COL21A1: variants seen among roughly 807,000 people sequenced by gnomAD.
The protein encoded by COL21A1 is collagen alpha-1(XXI) chain.
Under a neutral mutation model 137.9 loss-of-function variants are expected in COL21A1, and 149 were observed. That is an observed-to-expected ratio of 1.08 (90% CI 0.95 to 1.24). The LOEUF (loss-of-function observed/expected upper bound fraction) is 1.24, where lower values mean the gene tolerates loss of function less well. COL21A1 is among the 50% of genes most tolerant of loss of function. The pLI, the probability that COL21A1 is intolerant of heterozygous loss-of-function variation, is 0.00. For missense variants in COL21A1, 1,167 were observed against 1,158.4 expected, an observed-to-expected ratio of 1.01 and a Z score of -0.11; for synonymous variants, 456 against 391.5, an observed-to-expected ratio of 1.16 and a Z score of -1.95.
chr6:56,324,638 C>A (rs567265899), intron 1 of COL21A1, among the ~76,000 whole-genome samples: 1 of 152,116 alleles, frequency 6.6e-6, no homozygotes, highest in East Asian at 1.9e-4. Flanking sequence ...CTAGACAGAA[C>A]CAGATGTTCT....
At chr6:56,370,289 C>G (rs908394303) in intron 1 of COL21A1, among the ~76,000 whole-genome samples, 1 of 152,140 alleles carries the variant, frequency 6.6e-6, no homozygotes. Flanking sequence ...CTGTTCCCGG[C>G]CTTCCTCAGA....
In COL21A1 at chr6:56,164,484, A is replaced by C; in HGVS notation, c.1310T>G (p.Val437Gly). ...AATACAGGGAGCTGGAGTTGAACCT[A>C]CATCACTGGGACCATTAAGGCACTA... is the stretch of plus-strand genomic sequence containing the variant. Reference protein sequence around the residue: ...NGECLNGPSDVGSTPAPCICP... With the variant: ...NGECLNGPSDGGSTPAPCICP... Residue 437 changes from valine to glycine, a missense_variant, in exon 9 of 30, where the codon GTA becomes GGA. Val to Gly is a moderately radical substitution (Grantham distance 109). Transcript: ENST00000244728. 6.3e-7 allele frequency: 1 copy of C among 1,587,676 alleles called. No homozygotes were observed. Among genetic ancestry groups the C allele is most frequent in the South Asian group, 1.2e-5 (1 of 86,796 alleles).
Position 56,355,097 on chromosome 6 carries a change from A to G in COL21A1, c.-39+38874T>C, listed in dbSNP as rs564082732. Among the ~76,000 whole-genome samples, 8 of 151,998 alleles carry G rather than the reference A, an allele frequency of 5.3e-5. 1 individual carries two copies. In the South Asian group the frequency reaches 1.5e-3, roughly 28 times the overall value. ...TATACTGGCTAATTAACTAAGAAGG[A>G]ATGATAGGATTGGAATATCACCACT... On this transcript the variant is annotated intron_variant, in intron 1 of 28. Transcript: ENST00000370819.
intron 16 of COL21A1, 75 bp from the exon 17 acceptor site, chr6:56,101,600 T>C (rs911107910): frequency 2.0e-6 from 2 of 1,004,600 alleles, no homozygotes; most frequent in Non-Finnish European, 3.0e-6. Flanking sequence ...ATATATAACA[T>C]TACATATTAA....
chr6:56,136,582 T>C (rs1774021223), intron 12 of COL21A1, among the ~76,000 whole-genome samples: 1 of 152,122 alleles, frequency 6.6e-6, no homozygotes, highest in Admixed American at 6.6e-5. Flanking sequence ...AGCCTGTCCA[T>C]CTTTTAAGCC....
At chr6:56,329,407 A>C (rs925168550) in intron 1 of COL21A1, among the ~76,000 whole-genome samples, 5 of 152,100 alleles carry the variant, frequency 3.3e-5, no homozygotes, top group Non-Finnish European at 5.9e-5. Context: ...GAAGGAAGTC[A>C]GGGAAATGTA....
Position 56,168,173 on chromosome 6 carries a change from T to A in COL21A1, c.1151A>T (p.Asn384Ile). 1 of 1,548,224 alleles carries A rather than the reference T, an allele frequency of 6.5e-7. No homozygotes were observed. Among genetic ancestry groups the A allele is most frequent in the South Asian group, 1.2e-5 (1 of 80,320 alleles). Reference protein sequence around the residue: ...PLHPVLGILINGQTQIGKYSG... With the variant: ...PLHPVLGILIIGQTQIGKYSG... ...ATATTTTCCAATTTGGGTTTGCCCATTGATCAAGATCCCTAAAACTGGATG... is the reference window on the plus strand; with the variant it reads ...ATATTTTCCAATTTGGGTTTGCCCAATGATCAAGATCCCTAAAACTGGATG... Residue 384 changes from asparagine (N) to isoleucine (I), a missense_variant, in exon 6 of 30, where the codon AAT (asparagine) becomes ATT (isoleucine). Transcript: ENST00000244728.
chr6:56,211,373 A>T (rs1474643969), intron 1 of COL21A1, among the ~76,000 whole-genome samples: 1 of 151,882 alleles, frequency 6.6e-6, no homozygotes, highest in Non-Finnish European at 1.5e-5. Context: ...TTAGAAAAAA[A>T]TTAACCCAGT....
chr6:56,058,650 T>C (rs530551656), intron 29 of COL21A1, among the ~76,000 whole-genome samples: 8 of 152,232 alleles, frequency 5.3e-5, no homozygotes, highest in African/African-American at 1.4e-4. Context: ...CATCTAATCA[T>C]AGCATACATT....
intron 16 of COL21A1, among the ~76,000 whole-genome samples, chr6:56,108,712 G>T (rs903240235): frequency 6.6e-6 from 1 of 151,734 alleles, no homozygotes; most frequent in Non-Finnish European, 1.5e-5. Context: ...AGTTATAGAA[G>T]ATCTAAATAA....
At chr6:56,346,295 T>C (rs1274497808) in intron 1 of COL21A1, among the ~76,000 whole-genome samples, 1 of 152,230 alleles carries the variant, frequency 6.6e-6, no homozygotes, top group Non-Finnish European at 1.5e-5. Flanking sequence ...CTATTGACCA[T>C]AGATTGGTTT....
intron 17 of COL21A1, among the ~76,000 whole-genome samples, chr6:56,090,502 C>T (rs1768699835): frequency 6.6e-6 from 1 of 152,176 alleles, no homozygotes; most frequent in African/African-American, 2.4e-5. Context: ...AATATTTTCA[C>T]AGTCACTACA....
intron 17 of COL21A1, among the ~76,000 whole-genome samples, chr6:56,080,521 G>A (rs912490916): frequency 1.3e-5 from 2 of 151,736 alleles, no homozygotes; most frequent in African/African-American, 2.4e-5. Context: ...TTGTAATGAA[G>A]GGAATGTGTC....
At chr6:56,348,978 G>A (rs950789826) in intron 1 of COL21A1, among the ~76,000 whole-genome samples, 1 of 152,206 alleles carries the variant, frequency 6.6e-6, no homozygotes, top group African/African-American at 2.4e-5. Flanking sequence ...AGGTTAAACT[G>A]AGTGATGAAG....
chr6:56,113,474 C>A (rs960756101), intron 16 of COL21A1, among the ~76,000 whole-genome samples: 1 of 152,156 alleles, frequency 6.6e-6, no homozygotes, highest in Non-Finnish European at 1.5e-5. Flanking sequence ...CAGAAGTAAA[C>A]CCACTGCCTT....
At chr6:56,069,984 C>T (rs1431994122) in intron 21 of COL21A1, among the ~76,000 whole-genome samples, 2 of 151,430 alleles carry the variant, frequency 1.3e-5, no homozygotes, top group African/African-American at 4.8e-5. Flanking sequence ...TTCCAGTTCT[C>T]CACTCTCCAT....
chr6:56,074,844 A>T (rs1767069235), intron 19 of COL21A1, among the ~76,000 whole-genome samples: 1 of 151,446 alleles, frequency 6.6e-6, no homozygotes, highest in South Asian at 2.1e-4. Context: ...ACTATTATAC[A>T]TATTTAACAC....
chr6:56,193,406 C>T (rs1778823012), intron 1 of COL21A1, among the ~76,000 whole-genome samples: 1 of 151,828 alleles, frequency 6.6e-6, no homozygotes, highest in South Asian at 2.1e-4. Flanking sequence ...AAATTTAAAA[C>T]ACATTGTATT....
intron 1 of COL21A1, among the ~76,000 whole-genome samples, chr6:56,205,719 T>A (rs1220062804): frequency 1.3e-5 from 2 of 152,174 alleles, no homozygotes; most frequent in African/African-American, 4.8e-5. Context: ...GAAAAAATGT[T>A]AAGGGCAGCC....
Sources: gnomAD v4.1 joint callset for allele counts (sites outside exome capture counted in the v4.1 genomes callset) on GRCh38, gnomAD v4.1.1 for gene constraint, MANE v1.5 for transcripts, NCBI Gene and HGNC (gene_info 2026-07-23, HGNC 2026-07-21) for gene names.